Variants in ARMH4 observed in about 807,000 individuals in gnomAD.
The protein encoded by ARMH4 is armadillo-like helical domain-containing protein 4.
Under a neutral mutation model 61.9 loss-of-function variants are expected in ARMH4, and 49 were observed. The observed-to-expected ratio is 0.79, with a 90% CI of 0.63 to 1.00. ARMH4 has a LOEUF of 1.00. ARMH4 is among the 50% of genes least tolerant of loss of function. The pLI, the probability that ARMH4 is intolerant of heterozygous loss-of-function variation, is 0.00. For missense variants in ARMH4, 934 were observed against 930.0 expected (o/e 1.00, Z -0.06); for synonymous variants, 368 against 341.5 (o/e 1.08, Z -0.85).
At chr14:58,022,502 A>T (rs1430645324) in intron 5 of ARMH4, among the ~76,000 whole-genome samples, 1 of 152,058 alleles carries the variant, frequency 6.6e-6, no homozygotes, top group African/African-American at 2.4e-5. Flanking sequence ...CTCATTTCTG[A>T]CATGTGTTCT....
intron 5 of ARMH4, among the ~76,000 whole-genome samples, chr14:58,021,439 G>A (rs1425054618): frequency 5.9e-5 from 9 of 152,274 alleles, no homozygotes; most frequent in Admixed American, 2.0e-4. Context: ...TGAGGCCTCC[G>A]CAGCCATGTG....
At chr14:58,053,028 C>A (rs941221441) in intron 5 of ARMH4, among the ~76,000 whole-genome samples, 1 of 152,270 alleles carries the variant, frequency 6.6e-6, no homozygotes, top group Non-Finnish European at 1.5e-5. Flanking sequence ...AGTTGGCCAC[C>A]AAGATCTTTT....
chr14:58,004,924 T>C, intron 7 of ARMH4, 120 bp from the exon 8 acceptor site: 1 of 1,530,856 alleles, frequency 6.5e-7, no homozygotes, highest in Non-Finnish European at 9.0e-7. Context: ...CAGCAGCTAA[T>C]CCAGACCACT....
intron 2 of ARMH4, among the ~76,000 whole-genome samples, chr14:58,136,548 C>G (rs1434058025): frequency 6.6e-6 from 1 of 152,152 alleles, no homozygotes; most frequent in Non-Finnish European, 1.5e-5. Flanking sequence ...AAAATTCAAT[C>G]TTTCTTTTGT....
At position 58,133,151 on chromosome 14, in the gene ARMH4, C is replaced by T; in HGVS notation, c.1560G>A (p.Leu520=). The T allele has an allele frequency of 6.2e-7, 1 of 1,614,076 alleles. No homozygotes were observed. Among genetic ancestry groups the T allele is most frequent in the East Asian group, 2.2e-5 (1 of 44,862 alleles). ...VTQLSRRWEP[L]ATTISTTVVP... ...CGACTGTAGTTGAAATTGTAGTGGC[C>T]AGAGGCTCCCATCTTCTTGACAGCT... is the stretch of plus-strand genomic sequence containing the variant. Residue 520 remains leucine, a synonymous_variant, in exon 3 of 8, where the codon CTG becomes CTA. Transcript: ENST00000267485.
At chr14:58,114,644 T>G (rs1323548980) in intron 4 of ARMH4, among the ~76,000 whole-genome samples, 1 of 152,198 alleles carries the variant, frequency 6.6e-6, no homozygotes, top group Non-Finnish European at 1.5e-5. Flanking sequence ...AGTTTTTATT[T>G]GTTTTTCAAA....
At chr14:58,051,495 C>G (rs985250850) in intron 5 of ARMH4, among the ~76,000 whole-genome samples, 1 of 152,162 alleles carries the variant, frequency 6.6e-6, no homozygotes, top group African/African-American at 2.4e-5. Flanking sequence ...ACTGTCAGCC[C>G]AGCCAAAATT....
chr14:58,077,490 C>T (rs1267632373), intron 5 of ARMH4, among the ~76,000 whole-genome samples: 1 of 152,028 alleles, frequency 6.6e-6, no homozygotes, highest in Non-Finnish European at 1.5e-5. Flanking sequence ...ACCTGCGGTC[C>T]CAGCTACTCA....
At chr14:58,112,462 T>C (rs903590912) in intron 4 of ARMH4, among the ~76,000 whole-genome samples, 1 of 152,154 alleles carries the variant, frequency 6.6e-6, no homozygotes, top group Non-Finnish European at 1.5e-5. Context: ...AAGAAGGGCT[T>C]TAGAGTCCTT....
rs1235611171 is a variant in ARMH4 at position 58,003,496 on chromosome 14, T to C, written c.*1240A>G. ...AGTGACAGCACTATTAATAAATAAC[T>C]TTTATTCTTCCATGGCAATGAGCCA... On this transcript the variant is annotated 3_prime_UTR_variant, in exon 8 of 8. Coordinates refer to ENST00000267485, the MANE Select transcript of ARMH4 (RefSeq NM_001001872.4). 1 of 152,208 alleles carries C rather than the reference T, an allele frequency of 6.6e-6. No homozygotes were observed. The highest frequency in any genetic ancestry group is 1.5e-5 in the Non-Finnish European group (1 of 68,046). 9.4% of individuals were successfully genotyped at this position (152,208 alleles called of 1,614,324 possible).
chr14:58,080,671 GC>G (rs1269186649), intron 5 of ARMH4, among the ~76,000 whole-genome samples: 1 of 152,084 alleles, frequency 6.6e-6, no homozygotes, highest in Non-Finnish European at 1.5e-5. Context: ...GATCATTTGT[GC>G]CCCATTGAAG....
At chr14:58,029,390 T>C (rs1883143502) in intron 5 of ARMH4, among the ~76,000 whole-genome samples, 1 of 152,166 alleles carries the variant, frequency 6.6e-6, no homozygotes, top group South Asian at 2.1e-4. Flanking sequence ...TGTGTCACCA[T>C]GCCCAGCTAA....
chr14:58,081,976 G>C (rs1885243593), intron 5 of ARMH4, among the ~76,000 whole-genome samples: 1 of 150,986 alleles, frequency 6.6e-6, no homozygotes, highest in African/African-American at 2.4e-5. Flanking sequence ...CTAAAATATA[G>C]GCAGGATACC....
At chr14:58,141,813 C>T (rs1887565483) in intron 1 of ARMH4, among the ~76,000 whole-genome samples, 3 of 152,092 alleles carry the variant, frequency 2.0e-5, no homozygotes, top group Admixed American at 1.3e-4. Flanking sequence ...TTATTCTCTG[C>T]CACAACTATA....
At chr14:58,098,586 C>A (rs10148434) in intron 4 of ARMH4, among the ~76,000 whole-genome samples, 110 of 152,146 alleles carry the variant, frequency 7.2e-4, no homozygotes, top group African/African-American at 2.4e-3. Flanking sequence ...CAAAATAATG[C>A]ATTCTTTTGT....
intron 5 of ARMH4, among the ~76,000 whole-genome samples, chr14:58,024,833 G>A (rs943613837): frequency 6.6e-6 from 1 of 152,160 alleles, no homozygotes; most frequent in African/African-American, 2.4e-5. Flanking sequence ...AGAGTGATTA[G>A]GGAATGGGCA....
intron 5 of ARMH4, among the ~76,000 whole-genome samples, chr14:58,052,324 A>G (rs1217076454): frequency 6.6e-6 from 1 of 152,136 alleles, no homozygotes; most frequent in Non-Finnish European, 1.5e-5. Context: ...GCTCTGTGCC[A>G]AGTATCTTAC....
intron 5 of ARMH4, among the ~76,000 whole-genome samples, chr14:58,089,526 C>T (rs1594750176): frequency 6.6e-6 from 1 of 152,334 alleles, no homozygotes; most frequent in South Asian, 2.1e-4. Context: ...CAATTCAAAA[C>T]ACATGCATCT....
At chr14:58,140,817 C>T (rs774280168) in intron 1 of ARMH4, among the ~76,000 whole-genome samples, 7 of 152,000 alleles carry the variant, frequency 4.6e-5, no homozygotes, top group Admixed American at 6.6e-5. Flanking sequence ...GAAGGAGAAT[C>T]GCTTGAACCC....
Sources: allele counts gnomAD v4.1 joint callset (sites outside exome capture counted in the v4.1 genomes callset), GRCh38; gene constraint gnomAD v4.1.1; transcripts MANE v1.5; gene names NCBI Gene and HGNC (gene_info 2026-07-23, HGNC 2026-07-21).